Variants in RAB28 observed in about 807,000 individuals in gnomAD.
The protein encoded by RAB28 is ras-related protein Rab-28.
Under a neutral mutation model 31.7 loss-of-function variants are expected in RAB28, and 24 were observed. That is an observed-to-expected ratio of 0.76 (90% CI 0.55 to 1.06). The LOEUF (loss-of-function observed/expected upper bound fraction) is 1.06. Among genes scored for constraint, RAB28 ranks in the 50% least tolerant of loss-of-function variants. The pLI, the probability that RAB28 is intolerant of heterozygous loss-of-function variation, is 0.00. For synonymous variants in RAB28, 100 were observed against 90.4 expected (o/e 1.11, Z -0.60); for missense variants, 254 against 258.5 (o/e 0.98, Z 0.12).
chr4:13,462,995 T>C (rs189477423), intron 3 of RAB28, among the ~76,000 whole-genome samples: 108 of 152,302 alleles, frequency 7.1e-4, no homozygotes, highest in African/African-American at 2.5e-3. Context: ...CATCTATTGA[T>C]CTTGGGCAAC....
At chr4:13,440,634 T>C (rs1024208877) in intron 4 of RAB28, among the ~76,000 whole-genome samples, 2 of 152,144 alleles carry the variant, frequency 1.3e-5, no homozygotes, top group Non-Finnish European at 2.9e-5. Flanking sequence ...TCTATGATTA[T>C]GTGAGATTTA....
At chr4:13,433,959 C>T (rs1292575889) in intron 4 of RAB28, among the ~76,000 whole-genome samples, 2 of 152,142 alleles carry the variant, frequency 1.3e-5, no homozygotes, top group African/African-American at 2.4e-5. Context: ...GGTATATATA[C>T]ACCATGGACT....
At chr4:13,479,938 C>G (rs1050038755) in intron 1 of RAB28, among the ~76,000 whole-genome samples, 1 of 151,520 alleles carries the variant, frequency 6.6e-6, no homozygotes, top group Non-Finnish European at 1.5e-5. Flanking sequence ...GAGCACTAAG[C>G]TAATAATAAG....
intron 4 of RAB28, among the ~76,000 whole-genome samples, chr4:13,430,193 G>T (rs1272656397): frequency 1.3e-5 from 2 of 151,972 alleles, no homozygotes; most frequent in African/African-American, 4.8e-5. Flanking sequence ...TACTCAAAAT[G>T]GATCAAAAGA....
intron 4 of RAB28, among the ~76,000 whole-genome samples, chr4:13,455,515 G>T (rs552117217): frequency 8.5e-5 from 13 of 152,326 alleles, no homozygotes; most frequent in Non-Finnish European, 1.5e-4. Context: ...TGGAATCCCA[G>T]TGCTGGAGAG....
intron 4 of RAB28, among the ~76,000 whole-genome samples, chr4:13,384,747 AG>A (rs1171052211): frequency 6.6e-6 from 1 of 152,202 alleles, no homozygotes; most frequent in Non-Finnish European, 1.5e-5. Flanking sequence ...AAAGAACATA[AG>A]CCCCCAAAGA....
intron 4 of RAB28, among the ~76,000 whole-genome samples, chr4:13,440,592 A>G (rs1714363401): frequency 6.6e-6 from 1 of 152,162 alleles, no homozygotes; most frequent in Non-Finnish European, 1.5e-5. Context: ...ATTAGAAAGT[A>G]TTACCTTTCT....
At chr4:13,452,184 G>C (rs540694256) in intron 4 of RAB28, among the ~76,000 whole-genome samples, 1 of 151,626 alleles carries the variant, frequency 6.6e-6, no homozygotes, top group Non-Finnish European at 1.5e-5. Flanking sequence ...TTTTATCTTA[G>C]TGTATCTAAT....
chr4:13,403,429 G>A (rs1245990072), intron 4 of RAB28, among the ~76,000 whole-genome samples: 7 of 152,076 alleles, frequency 4.6e-5, no homozygotes, highest in African/African-American at 1.4e-4. Context: ...CTCCTTAAAC[G>A]ATTTTGTCTA....
intron 4 of RAB28, among the ~76,000 whole-genome samples, chr4:13,434,155 C>A (rs1713967731): frequency 1.3e-5 from 2 of 152,056 alleles, no homozygotes; most frequent in South Asian, 4.1e-4. Flanking sequence ...ACACTGGAGA[C>A]TACTAAAGAG....
chr4:13,472,219 C>T (rs1560146037), intron 3 of RAB28, among the ~76,000 whole-genome samples: 1 of 151,898 alleles, frequency 6.6e-6, no homozygotes, highest in Non-Finnish European at 1.5e-5. Flanking sequence ...GTGATCATAG[C>T]TCACTGCAAC....
chr4:13,409,320 T>G (rs1484708780), intron 4 of RAB28, among the ~76,000 whole-genome samples: 1 of 152,228 alleles, frequency 6.6e-6, no homozygotes, highest in East Asian at 1.9e-4. Flanking sequence ...AAGATAAGTC[T>G]TAGGCGGTAC....
At chr4:13,377,779 G>C (rs976244392) in intron 5 of RAB28, among the ~76,000 whole-genome samples, 6 of 152,210 alleles carry the variant, frequency 3.9e-5, no homozygotes, top group African/African-American at 1.2e-4. Context: ...CTGAACCAAA[G>C]TGGTAGAAGT....
intron 4 of RAB28, among the ~76,000 whole-genome samples, chr4:13,387,150 T>C (rs1356286791): frequency 3.3e-5 from 5 of 151,920 alleles, no homozygotes; most frequent in African/African-American, 9.7e-5. Flanking sequence ...AGGTACTAGG[T>C]GTAATACCTG....
intron 6 of RAB28, among the ~76,000 whole-genome samples, chr4:13,373,959 A>ATGTATGTATGTGTATG (rs574362033): frequency 1.0e-3 from 152 of 151,306 alleles, no homozygotes; most frequent in African/African-American, 3.5e-3. Flanking sequence ...GTATGTATGT[A>ATGTATGTATGTGTATG]TGTGTGTGTG....
At chr4:13,394,556 T>C (rs1228695311) in intron 4 of RAB28, among the ~76,000 whole-genome samples, 2 of 152,008 alleles carry the variant, frequency 1.3e-5, no homozygotes, top group African/African-American at 4.8e-5. Context: ...ACCCCTGATC[T>C]AAAGGGTAAG....
chr4:13,459,737 A>T (rs780490746), intron 4 of RAB28: 1 of 1,045,292 alleles, frequency 9.6e-7, no homozygotes, highest in South Asian at 2.9e-5. Context: ...GAGGAAGTTT[A>T]TAAGAGACAG....
At chr4:13,387,710 G>GA (rs1362827441) in intron 4 of RAB28, among the ~76,000 whole-genome samples, 1 of 151,878 alleles carries the variant, frequency 6.6e-6, no homozygotes. Context: ...AAGAATTAAA[G>GA]AAAAAATGTA....
intron 2 of RAB28, among the ~76,000 whole-genome samples, chr4:13,477,622 T>C (rs1366703198): frequency 6.6e-6 from 1 of 151,072 alleles, no homozygotes; most frequent in Non-Finnish European, 1.5e-5. Context: ...TTTGAGTCTG[T>C]TAAGTAGCAT....
Sources: allele counts gnomAD v4.1 joint callset (sites outside exome capture counted in the v4.1 genomes callset), GRCh38; gene constraint gnomAD v4.1.1; transcripts MANE v1.5; gene names NCBI Gene and HGNC (gene_info 2026-07-23, HGNC 2026-07-21).